The following LRFN5 variants were observed in gnomAD, a reference collection of about 807,000 sequenced individuals.
LRFN5 encodes leucine-rich repeat and fibronectin type-III domain-containing protein 5.
LRFN5 carries 24 observed loss-of-function variants against 45.6 expected under a neutral mutation model. The observed-to-expected ratio is 0.53, with a 90% CI of 0.38 to 0.74. The LOEUF (loss-of-function observed/expected upper bound fraction) is 0.74, where lower values mean the gene tolerates loss of function less well. Among genes scored for constraint, LRFN5 ranks in the 30% least tolerant of loss-of-function variants. The pLI, the probability that LRFN5 is intolerant of heterozygous loss-of-function variation, is 0.00. For missense variants in LRFN5, 776 were observed against 861.5 expected (o/e 0.90, Z 1.24); for synonymous variants, 340 against 313.8 (o/e 1.08, Z -0.88).
rs1041124949 is a variant in LRFN5 at position 41,639,267 on chromosome 14, T to C, written c.-197+30705T>C. ...ACAACGTTAACGAGTAGGTTTGCCT[T>C]CAAAGGATGGACAGTCTGATAAATA... is the stretch of plus-strand genomic sequence containing the variant. On this transcript the variant is annotated intron_variant, in intron 1 of 5. Coordinates refer to ENST00000298119, the MANE Select transcript of LRFN5 (RefSeq NM_152447.5). 3.9e-4 allele frequency among the ~76,000 whole-genome samples: 60 copies of C among 152,080 alleles called. 1 individual carries two copies. Among genetic ancestry groups the C allele is most frequent in the Non-Finnish European group, 8.8e-5 (6 of 68,010 alleles).
chr14:41,618,750 C>G (rs527753877), intron 1 of LRFN5, among the ~76,000 whole-genome samples: 91 of 152,216 alleles, frequency 6.0e-4, no homozygotes, highest in African/African-American at 2.1e-3. Flanking sequence ...GCCACCATAC[C>G]TCTCTAGAAA....
intron 1 of LRFN5, among the ~76,000 whole-genome samples, chr14:41,627,857 CT>C (rs1025278262): frequency 2.2e-4 from 34 of 152,156 alleles, no homozygotes; most frequent in African/African-American, 7.7e-4. Flanking sequence ...GGTTAAGGGC[CT>C]CTTTATATAT....
intron 1 of LRFN5, among the ~76,000 whole-genome samples, chr14:41,685,298 T>C (rs944108644): frequency 1.3e-5 from 2 of 152,168 alleles, no homozygotes; most frequent in Non-Finnish European, 2.9e-5. Context: ...TTGGTAGTTA[T>C]ATACACAAAA....
At chr14:41,632,363 G>A (rs568496328) in intron 1 of LRFN5, among the ~76,000 whole-genome samples, 35 of 152,246 alleles carry the variant, frequency 2.3e-4, no homozygotes, top group South Asian at 8.3e-4. Context: ...CAGCACTTTG[G>A]GAGGCTGAGG....
At chr14:41,639,372 G>C (rs1597043) in intron 1 of LRFN5, among the ~76,000 whole-genome samples, 9,872 of 152,090 alleles carry the variant, frequency 0.065, 793 homozygotes, top group African/African-American at 0.19. Context: ...CAAAAAGAAG[G>C]TCATGGTTCA....
intron 2 of LRFN5, among the ~76,000 whole-genome samples, chr14:41,859,292 A>T (rs987983758): frequency 2.0e-5 from 3 of 152,298 alleles, no homozygotes; most frequent in Admixed American, 2.0e-4. Flanking sequence ...ATAGAGAGCA[A>T]TTCTAAATGA....
chr14:41,625,242 C>T (rs1888286789), intron 1 of LRFN5, among the ~76,000 whole-genome samples: 1 of 145,036 alleles, frequency 6.9e-6, no homozygotes, highest in South Asian at 2.2e-4. Flanking sequence ...TGTAATAACA[C>T]CCATATATCA....
At chr14:41,860,436 C>T (rs911365799) in intron 2 of LRFN5, among the ~76,000 whole-genome samples, 1 of 151,652 alleles carries the variant, frequency 6.6e-6, no homozygotes, top group Non-Finnish European at 1.5e-5. Context: ...TAAATATAAC[C>T]AAATATACAA....
intron 1 of LRFN5, among the ~76,000 whole-genome samples, chr14:41,759,191 G>A (rs951453386): frequency 3.3e-5 from 5 of 151,988 alleles, no homozygotes; most frequent in Non-Finnish European, 5.9e-5. Context: ...TCCCAAAAAG[G>A]TGCTTCTCGT....
At chr14:41,870,602 G>C (rs746919584) in intron 2 of LRFN5, among the ~76,000 whole-genome samples, 44 of 152,156 alleles carry the variant, frequency 2.9e-4, no homozygotes, top group Non-Finnish European at 5.6e-4. Flanking sequence ...ACCCCCAATG[G>C]GTCTATCCCA....
intron 1 of LRFN5, among the ~76,000 whole-genome samples, chr14:41,665,777 A>C (rs1176294112): frequency 6.6e-6 from 1 of 152,006 alleles, no homozygotes; most frequent in Non-Finnish European, 1.5e-5. Context: ...TTCAATTTTA[A>C]TGTGTAGACC....
At chr14:41,822,336 G>A (rs774867482) in intron 2 of LRFN5, among the ~76,000 whole-genome samples, 18 of 151,718 alleles carry the variant, frequency 1.2e-4, no homozygotes, top group Non-Finnish European at 1.9e-4. Context: ...TACCCCAAAG[G>A]TTTTGGTTGT....
In LRFN5 at chr14:41,693,079, A is replaced by G. The variant is rs564587807; in HGVS notation, c.-196-73775A>G. 2.6e-5 allele frequency among the ~76,000 whole-genome samples: 4 copies of G among 152,130 alleles called. No individual in the cohort carries two copies. In the South Asian group the frequency reaches 6.2e-4, roughly 24 times the overall value. ...CATTTATTTGTGGACTTCATTTCCT[A>G]TTTCACTGATGAATTTTTATATTCT... On this transcript the variant is annotated intron_variant, in intron 1 of 5. Coordinates refer to ENST00000298119, the MANE Select transcript of LRFN5 (RefSeq NM_152447.5).
rs78706125 is a variant in LRFN5 at position 41,834,076 on chromosome 14, A to G, written c.-20-52530A>G. On this transcript the variant is annotated intron_variant, in intron 2 of 5. Transcript: ENST00000298119. ...TAGAGAACATTTTTATTTGTGTGTC[A>G]GCATGGCCTATACTTGCTTCCAGAT... Among the ~76,000 whole-genome samples, 567 of 152,094 alleles carry G rather than the reference A, an allele frequency of 3.7e-3. 4 individuals are homozygous for G. Among genetic ancestry groups the G allele is most frequent in the African/African-American group, 0.013 (536 of 41,472 alleles).
intron 1 of LRFN5, among the ~76,000 whole-genome samples, chr14:41,666,525 AT>A (rs1366146626): frequency 6.6e-6 from 1 of 152,056 alleles, no homozygotes; most frequent in Non-Finnish European, 1.5e-5. Context: ...TAGATTTTGC[AT>A]TTTTTTCTGT....
chr14:41,885,612 T>C (rs1478377553), intron 2 of LRFN5, among the ~76,000 whole-genome samples: 6 of 152,158 alleles, frequency 3.9e-5, no homozygotes, highest in African/African-American at 1.4e-4. Flanking sequence ...TCTTTAAAAA[T>C]CCACATTTTT....
At chr14:41,626,371 C>A (rs1040130245) in intron 1 of LRFN5, among the ~76,000 whole-genome samples, 1 of 152,016 alleles carries the variant, frequency 6.6e-6, no homozygotes, top group Admixed American at 6.6e-5. Flanking sequence ...AGCTTATCTA[C>A]AATGTAATTT....
rs192773127 is a variant in LRFN5, at chr14:41,783,046, C to A, written c.-21+16017C>A. Among the ~76,000 whole-genome samples the A allele has an allele frequency of 5.1e-5, 7 of 138,172 alleles. No homozygotes were observed. In the South Asian group the frequency reaches 1.6e-3, roughly 32 times the overall value. The allele number at this position is 138,172 out of a possible 152,430, so 90.6% of individuals were successfully genotyped here. On this transcript the variant is annotated intron_variant, in intron 2 of 5. Transcript: ENST00000298119. The stretch of plus-strand genomic sequence containing the variant: ...GCTCAAGTGGGTGGAAATCCTTTCT[C>A]GAGATGGTACAAGGCCTGGTAAAAT...
intron 1 of LRFN5, among the ~76,000 whole-genome samples, chr14:41,652,030 C>T (rs1880148021): frequency 6.6e-6 from 1 of 152,018 alleles, no homozygotes; most frequent in Non-Finnish European, 1.5e-5. Context: ...TTAAAGACCC[C>T]ATTTCCAAAT....
Sources: allele counts gnomAD v4.1 joint callset (sites outside exome capture counted in the v4.1 genomes callset), GRCh38; gene constraint gnomAD v4.1.1; transcripts MANE v1.5; gene names NCBI Gene and HGNC (gene_info 2026-07-23, HGNC 2026-07-21).